GRIK4: variants seen among roughly 807,000 people sequenced by gnomAD.
GRIK4 encodes glutamate receptor ionotropic, kainate 4.
In GRIK4, 40 loss-of-function variants were observed where a neutral mutation model predicts 104.9. That is an observed-to-expected ratio of 0.38 (90% CI 0.30 to 0.50). GRIK4 has a LOEUF of 0.50. Ranked by LOEUF, GRIK4 falls within the 20% of genes least tolerant of loss-of-function variation. The pLI, the probability that GRIK4 is intolerant of heterozygous loss-of-function variation, is 0.93. For missense variants in GRIK4, 1,047 were observed against 1,308.1 expected, an observed-to-expected ratio of 0.80 and a Z score of 3.08; for synonymous variants, 485 against 524.9, an observed-to-expected ratio of 0.92 and a Z score of 1.04.
At chr11:120,966,532 C>T (rs527283102) in intron 18 of GRIK4, among the ~76,000 whole-genome samples, 1 of 152,300 alleles carries the variant, frequency 6.6e-6, no homozygotes, top group East Asian at 1.9e-4. Context: ...CCATCACACC[C>T]AGCTAATTCT....
chr11:120,714,770 T>C (rs772913225), intron 3 of GRIK4, among the ~76,000 whole-genome samples: 2 of 152,160 alleles, frequency 1.3e-5, no homozygotes, highest in Non-Finnish European at 2.9e-5. Flanking sequence ...AGAATATGAT[T>C]CTTTTTGAAA....
At chr11:120,588,500 A>T (rs1038701613) in intron 1 of GRIK4, among the ~76,000 whole-genome samples, 4 of 152,120 alleles carry the variant, frequency 2.6e-5, no homozygotes, top group Admixed American at 6.5e-5. Flanking sequence ...GTAGGTTTTC[A>T]GCAGGGACTT....
At chr11:120,610,134 G>A (rs1291497074) in intron 1 of GRIK4, among the ~76,000 whole-genome samples, 1 of 152,102 alleles carries the variant, frequency 6.6e-6, no homozygotes, top group Non-Finnish European at 1.5e-5. Flanking sequence ...CGGAGCAGGA[G>A]TCTCTCATTC....
chr11:120,671,736 T>A lies in GRIK4; in HGVS notation c.82+11336T>A, dbSNP rs542933951. ...GCAGAAGCTCTTTAGTTTAATTAGA[T>A]CCCATTTGTCAATTTTGGCTTATGT... On this transcript the variant is annotated intron_variant, in intron 3 of 20. Transcript: ENST00000527524. Among the ~76,000 whole-genome samples the A allele has an allele frequency of 6.6e-5, 10 of 152,370 alleles. No homozygotes were observed. The East Asian group carries it at 1.9e-3, about 29-fold the overall frequency.
intron 1 of GRIK4, among the ~76,000 whole-genome samples, chr11:120,523,925 T>TC (rs1231503741): frequency 7.0e-6 from 1 of 143,210 alleles, no homozygotes; most frequent in Non-Finnish European, 1.5e-5. Context: ...GCTTCTGCAT[T>TC]CTTTTTTTTT....
chr11:120,815,331 C>A (rs928586834), intron 4 of GRIK4, 47 bp from the exon 5 acceptor site: 1 of 1,142,600 alleles, frequency 8.8e-7, no homozygotes, highest in Non-Finnish European at 1.3e-6. Context: ...GCAAGCCCGA[C>A]CTGATGAGTG....
chr11:120,981,095 G>A (rs775165260), intron 19 of GRIK4, among the ~76,000 whole-genome samples: 38 of 152,222 alleles, frequency 2.5e-4, no homozygotes, highest in Non-Finnish European at 4.9e-4. Flanking sequence ...TGAAAAACAC[G>A]GGACACAAGA....
At chr11:120,891,398 G>A (rs997844053) in intron 11 of GRIK4, among the ~76,000 whole-genome samples, 13 of 152,206 alleles carry the variant, frequency 8.5e-5, no homozygotes, top group Non-Finnish European at 1.6e-4. Context: ...CATGCTTTGG[G>A]GATGCAGAAA....
chr11:120,797,215 G>A (rs999492076), intron 3 of GRIK4, among the ~76,000 whole-genome samples: 2 of 152,174 alleles, frequency 1.3e-5, no homozygotes, highest in African/African-American at 4.8e-5. Flanking sequence ...CCCTGCCTTT[G>A]CTGTGGCCCC....
At chr11:120,901,742 C>G (rs796698884) in intron 12 of GRIK4, among the ~76,000 whole-genome samples, 1 of 152,108 alleles carries the variant, frequency 6.6e-6, no homozygotes, top group African/African-American at 2.4e-5. Flanking sequence ...CTCTCAGAGC[C>G]GGGAATTACA....
chr11:120,888,071 G>C (rs1033490980), intron 11 of GRIK4, among the ~76,000 whole-genome samples: 1 of 152,072 alleles, frequency 6.6e-6, no homozygotes, highest in Non-Finnish European at 1.5e-5. Context: ...CTTTATTTAC[G>C]TATCCTCTTC....
chr11:120,599,022 C>T (rs564458422), intron 1 of GRIK4, among the ~76,000 whole-genome samples: 5 of 152,274 alleles, frequency 3.3e-5, no homozygotes, highest in African/African-American at 9.6e-5. Context: ...GGTCATTCTG[C>T]GTTACTGCAA....
intron 6 of GRIK4, among the ~76,000 whole-genome samples, chr11:120,822,676 C>A (rs528635095): frequency 6.6e-6 from 1 of 152,332 alleles, no homozygotes; most frequent in African/African-American, 2.4e-5. Flanking sequence ...ACATTCCCAT[C>A]ATGGAGGAAA....
chr11:120,643,481 A>G (rs1029103810), intron 1 of GRIK4, among the ~76,000 whole-genome samples: 4 of 152,236 alleles, frequency 2.6e-5, no homozygotes, highest in Admixed American at 6.5e-5. Context: ...TGCCTGGAGC[A>G]TAGCAGGCCC....
At chr11:120,667,095 C>CTGT (rs1949927388) in intron 3 of GRIK4, among the ~76,000 whole-genome samples, 1 of 152,234 alleles carries the variant, frequency 6.6e-6, no homozygotes, top group Admixed American at 6.5e-5. Flanking sequence ...GGTATTGGAC[C>CTGT]TGTTACCTCT....
At chr11:120,791,957 G>A (rs1441133667) in intron 3 of GRIK4, among the ~76,000 whole-genome samples, 1 of 152,142 alleles carries the variant, frequency 6.6e-6, no homozygotes, top group Non-Finnish European at 1.5e-5. Flanking sequence ...AGACAAGTTT[G>A]GCTCAAAGAT....
chr11:120,564,468 G>C (rs1040592027), intron 1 of GRIK4: 3 of 152,220 alleles, frequency 2.0e-5, no homozygotes, highest in Non-Finnish European at 4.4e-5. Flanking sequence ...GGGAGGAGTG[G>C]GGTCGGAGCG....
At chr11:120,913,731 T>C (rs1381471697) in intron 13 of GRIK4, among the ~76,000 whole-genome samples, 4 of 151,750 alleles carry the variant, frequency 2.6e-5, no homozygotes, top group Non-Finnish European at 5.9e-5. Context: ...AAACGCCTCA[T>C]TCCATTTTTT....
At chr11:120,713,015 A>T (rs888534626) in intron 3 of GRIK4, among the ~76,000 whole-genome samples, 1 of 152,200 alleles carries the variant, frequency 6.6e-6, no homozygotes, top group African/African-American at 2.4e-5. Context: ...TGGGGATGAG[A>T]GAGGCAGTGC....
Sources: allele counts gnomAD v4.1 joint callset (sites outside exome capture counted in the v4.1 genomes callset), GRCh38; gene constraint gnomAD v4.1.1; transcripts MANE v1.5; gene names NCBI Gene and HGNC (gene_info 2026-07-23, HGNC 2026-07-21).